Variants in NSMCE2 observed in about 807,000 individuals in gnomAD.
The protein encoded by NSMCE2 is NSE2 SUMO ligase component of SMC5/6 complex.
Under a neutral mutation model 23.8 loss-of-function variants are expected in NSMCE2, and 24 were observed. The observed-to-expected ratio is 1.01, with a 90% CI of 0.73 to 1.42. The LOEUF is 1.42. Ranked by LOEUF, NSMCE2 falls within the 40% of genes most tolerant of loss-of-function variation. NSMCE2 has a pLI of 0.00. For missense variants in NSMCE2, 284 were observed against 296.5 expected (o/e 0.96, Z 0.31); for synonymous variants, 92 against 94.1 (o/e 0.98, Z 0.13).
intron 4 of NSMCE2, among the ~76,000 whole-genome samples, chr8:125,163,043 A>G (rs1349276845): frequency 6.6e-6 from 1 of 152,150 alleles, no homozygotes; most frequent in Non-Finnish European, 1.5e-5. Flanking sequence ...ATATCTGTAT[A>G]TAGCAATGAA....
Position 125,151,193 on chromosome 8 carries a change from T to A in NSMCE2, c.180T>A (p.Ser60Arg). Residue 60 changes from serine (S) to arginine (R), a missense_variant, in exon 4 of 8, where the codon AGT (serine) becomes AGA (arginine). Physicochemically the swap from Ser to Arg is moderately radical, Grantham distance 110. Around this residue, in one of 2 missense-constraint regions of NSMCE2, gnomAD observed 182 missense variants for 155.5 expected, o/e 1.17. Coordinates refer to ENST00000287437, the MANE Select transcript of NSMCE2 (RefSeq NM_173685.4). ...CAGCTGAAGTGAGTAGTGAATATAG[T>A]ATGGACAAGGCAATGGTTGAATTTG... ...ESQTEVSSEY[S>R]MDKAMVEFAT... 6 of 1,601,640 alleles carry A rather than the reference T, an allele frequency of 3.7e-6. No homozygotes were observed. The highest frequency in any genetic ancestry group is 5.1e-6 in the Non-Finnish European group (6 of 1,169,316).
At chr8:125,100,542 G>A (rs755712017) in intron 1 of NSMCE2, among the ~76,000 whole-genome samples, 3 of 152,042 alleles carry the variant, frequency 2.0e-5, no homozygotes, top group Non-Finnish European at 2.9e-5. Flanking sequence ...GTGAGCCCCT[G>A]GGAGTAGAGG....
chr8:125,205,440 T>A (rs182334935), intron 5 of NSMCE2, among the ~76,000 whole-genome samples: 1 of 152,342 alleles, frequency 6.6e-6, no homozygotes, highest in Non-Finnish European at 1.5e-5. Flanking sequence ...TTGACATGCA[T>A]TATACTGTCC....
At chr8:125,233,773 C>CAG (rs1825426854) in intron 5 of NSMCE2, among the ~76,000 whole-genome samples, 1 of 152,066 alleles carries the variant, frequency 6.6e-6, no homozygotes, top group Middle Eastern at 3.2e-3. Flanking sequence ...TGGTTTCTGT[C>CAG]AGAGACATCA....
intron 4 of NSMCE2, among the ~76,000 whole-genome samples, chr8:125,160,895 A>G (rs1007068246): frequency 6.6e-6 from 1 of 152,206 alleles, no homozygotes; most frequent in African/African-American, 2.4e-5. Context: ...TATTAGTAAC[A>G]CTTATTTGAA....
At chr8:125,095,643 C>T (rs1348909614) in intron 1 of NSMCE2, among the ~76,000 whole-genome samples, 2 of 151,752 alleles carry the variant, frequency 1.3e-5, no homozygotes, top group East Asian at 1.9e-4. Flanking sequence ...GCCTGTAATC[C>T]TAGCACTTTG....
At chr8:125,185,771 A>G (rs1363789575) in intron 5 of NSMCE2, among the ~76,000 whole-genome samples, 1 of 152,258 alleles carries the variant, frequency 6.6e-6, no homozygotes, top group Non-Finnish European at 1.5e-5. Flanking sequence ...ATGGGATACC[A>G]CTTTACATTT....
chr8:125,221,011 C>T (rs898068608), intron 5 of NSMCE2, among the ~76,000 whole-genome samples: 2 of 152,160 alleles, frequency 1.3e-5, no homozygotes, highest in African/African-American at 4.8e-5. Flanking sequence ...TACTATCACC[C>T]TTCCTCAGAG....
At chr8:125,337,640 A>G (rs1236762558) in intron 5 of NSMCE2, among the ~76,000 whole-genome samples, 1 of 152,178 alleles carries the variant, frequency 6.6e-6, no homozygotes, top group Non-Finnish European at 1.5e-5. Flanking sequence ...CAAGCCTGTA[A>G]TCCCAGCATG....
intron 4 of NSMCE2, among the ~76,000 whole-genome samples, chr8:125,152,704 GA>G (rs1258298179): frequency 6.6e-6 from 1 of 152,082 alleles, no homozygotes; most frequent in Non-Finnish European, 1.5e-5. Flanking sequence ...ACGTTATGTT[GA>G]TTTTTTTTCC....
At chr8:125,153,422 A>T (rs1020783808) in intron 4 of NSMCE2, among the ~76,000 whole-genome samples, 2 of 152,230 alleles carry the variant, frequency 1.3e-5, no homozygotes, top group African/African-American at 4.8e-5. Flanking sequence ...TCACAATTTC[A>T]TAAGGTTTCT....
chr8:125,351,854 A>G (rs1335775192), intron 5 of NSMCE2, among the ~76,000 whole-genome samples: 1 of 152,022 alleles, frequency 6.6e-6, no homozygotes, highest in East Asian at 1.9e-4. Context: ...TCTACTAAAA[A>G]TACACAAAAT....
intron 4 of NSMCE2, among the ~76,000 whole-genome samples, chr8:125,180,782 A>G (rs1017372273): frequency 2.0e-5 from 3 of 152,092 alleles, no homozygotes; most frequent in African/African-American, 7.2e-5. Flanking sequence ...AAATTGTACT[A>G]TATACTAATA....
intron 5 of NSMCE2, among the ~76,000 whole-genome samples, chr8:125,299,625 C>T (rs1006385204): frequency 3.9e-5 from 6 of 151,966 alleles, no homozygotes; most frequent in African/African-American, 1.5e-4. Flanking sequence ...GGTGGGGACA[C>T]AAAGCCAAAC....
chr8:125,112,113 T>A (rs1211776344), intron 3 of NSMCE2, among the ~76,000 whole-genome samples: 1 of 152,208 alleles, frequency 6.6e-6, no homozygotes, highest in Non-Finnish European at 1.5e-5. Context: ...AAGAAGCCAA[T>A]GTTTGTATGC....
At chr8:125,225,214 T>C (rs1825040372) in intron 5 of NSMCE2, among the ~76,000 whole-genome samples, 1 of 152,206 alleles carries the variant, frequency 6.6e-6, no homozygotes, top group Non-Finnish European at 1.5e-5. Flanking sequence ...AAACCAGTAT[T>C]GGGTTTTGCC....
chr8:125,273,237 A>G (rs1827302604), intron 5 of NSMCE2, among the ~76,000 whole-genome samples: 1 of 152,226 alleles, frequency 6.6e-6, no homozygotes, highest in Non-Finnish European at 1.5e-5. Flanking sequence ...TCAACCAGAT[A>G]CTGATACCAT....
intron 5 of NSMCE2, among the ~76,000 whole-genome samples, chr8:125,290,143 A>G (rs1345038616): frequency 6.6e-6 from 1 of 152,048 alleles, no homozygotes; most frequent in Admixed American, 6.6e-5. Context: ...CAACAGATGC[A>G]TTTTTCATGA....
intron 1 of NSMCE2, among the ~76,000 whole-genome samples, chr8:125,098,827 G>A (rs1219052230): frequency 1.3e-5 from 2 of 152,040 alleles, no homozygotes; most frequent in Non-Finnish European, 2.9e-5. Flanking sequence ...AGGAATGTGG[G>A]CCTTCCATGT....
Sources: gnomAD v4.1 joint callset for allele counts (sites outside exome capture counted in the v4.1 genomes callset) on GRCh38, gnomAD v4.1.1 for gene constraint, gnomAD v4.1.1 regional missense constraint, MANE v1.5 for transcripts, NCBI Gene and HGNC (gene_info 2026-07-23, HGNC 2026-07-21) for gene names.